The following MECOM variants were observed in gnomAD, a reference collection of about 807,000 sequenced individuals.
MECOM encodes MDS1 and EVI1 complex locus.
A neutral mutation model predicts 116.3 loss-of-function variants in MECOM; 13 were observed. That is an observed-to-expected ratio of 0.11 (90% CI 0.07 to 0.18). The LOEUF (loss-of-function observed/expected upper bound fraction) is 0.18, where lower values mean the gene tolerates loss of function less well. Ranked by LOEUF, MECOM falls within the 10% of genes least tolerant of loss-of-function variation. The probability of loss-of-function intolerance (pLI) is 1.00; values close to 1 mark genes in which losing one functional copy is unlikely to be tolerated. For synonymous variants in MECOM, 528 were observed against 535.2 expected (o/e 0.99, Z 0.19); for missense variants, 1,299 against 1,509.0 (o/e 0.86, Z 2.31).
At chr3:169,567,926 G>C (rs867771477) in intron 1 of MECOM, among the ~76,000 whole-genome samples, 6 of 152,088 alleles carry the variant, frequency 3.9e-5, no homozygotes, top group Middle Eastern at 3.4e-3. Flanking sequence ...AAAGGAGAGG[G>C]GCAAAATGGC....
intron 1 of MECOM, among the ~76,000 whole-genome samples, chr3:169,441,045 A>C (rs900476821): frequency 3.3e-5 from 5 of 152,232 alleles, no homozygotes; most frequent in Admixed American, 3.3e-4. Flanking sequence ...CAGAAACTGC[A>C]CTGACATGAG....
At chr3:169,156,473 A>G (rs541944508) in intron 2 of MECOM, among the ~76,000 whole-genome samples, 2 of 152,318 alleles carry the variant, frequency 1.3e-5, no homozygotes, top group East Asian at 3.9e-4. Flanking sequence ...TCCCCACAAA[A>G]CAGTCATAAA....
chr3:169,317,663 T>A (rs1378255230), intron 2 of MECOM, among the ~76,000 whole-genome samples: 1 of 152,226 alleles, frequency 6.6e-6, no homozygotes. Context: ...TCCACAACTG[T>A]CACCACTCCT....
chr3:169,379,571 A>C (rs1732063167), intron 2 of MECOM, among the ~76,000 whole-genome samples: 1 of 152,140 alleles, frequency 6.6e-6, no homozygotes. Flanking sequence ...ATTTCCTCCA[A>C]ATGCAGAATT....
In MECOM at chr3:169,485,969, TATAC is replaced by T. The variant is rs200466863; in HGVS notation, c.38-104449_38-104446del. Among the ~76,000 whole-genome samples, 380 of 98,150 alleles carry T rather than the reference TATAC, an allele frequency of 3.9e-3. 30 individuals carry two copies. The East Asian group carries it at 0.048, about 12-fold the overall frequency. The allele number at this position is 98,150 out of a possible 152,430, so 64.4% of individuals were successfully genotyped here. ...TGTATATATGTACATATATACTATA[TATAC>T]ATATATATATAGTATATATATGTAT... On this transcript the variant is annotated intron_variant, in intron 1 of 16. Coordinates refer to ENST00000651503, the MANE Select transcript of MECOM (RefSeq NM_004991.4).
Position 169,498,051 on chromosome 3 carries a change from T to C in MECOM, c.38-116527A>G, listed in dbSNP as rs546403623. Among the ~76,000 whole-genome samples, 6 of 152,352 alleles carry C rather than the reference T, an allele frequency of 3.9e-5. No homozygotes were observed. In the South Asian group the frequency reaches 1.2e-3, roughly 32 times the overall value. On this transcript the variant is annotated intron_variant, in intron 1 of 16. Coordinates refer to ENST00000651503, the MANE Select transcript of MECOM (RefSeq NM_004991.4). ...TCAGACTTCAACTGAATATGCGCTTTATTTCTGTTCTCTCTATTGATTCTT... is the reference window on the plus strand; with the variant it reads ...TCAGACTTCAACTGAATATGCGCTTCATTTCTGTTCTCTCTATTGATTCTT...
At chr3:169,589,240 T>C (rs1240431624) in intron 1 of MECOM, among the ~76,000 whole-genome samples, 1 of 152,048 alleles carries the variant, frequency 6.6e-6, no homozygotes, top group African/African-American at 2.4e-5. Context: ...TAAATGAAGA[T>C]GGAGAAGAAG....
chr3:169,660,191 C>T (rs1448339910), intron 1 of MECOM, among the ~76,000 whole-genome samples: 1 of 152,178 alleles, frequency 6.6e-6, no homozygotes, highest in Non-Finnish European at 1.5e-5. Context: ...CCCAAGAAAA[C>T]GGCTGGGAAG....
At chr3:169,618,927 A>G (rs1770350369) in intron 1 of MECOM, among the ~76,000 whole-genome samples, 2 of 152,180 alleles carry the variant, frequency 1.3e-5, no homozygotes, top group Non-Finnish European at 2.9e-5. Flanking sequence ...TTATACCTAA[A>G]AGCCACCGTC....
chr3:169,490,088 A>T (rs1461184175), intron 1 of MECOM, among the ~76,000 whole-genome samples: 3 of 152,206 alleles, frequency 2.0e-5, no homozygotes, highest in Admixed American at 6.5e-5. Context: ...TGGCCAATAA[A>T]CATGAAAATA....
chr3:169,489,205 C>T (rs1367496862), intron 1 of MECOM, among the ~76,000 whole-genome samples: 1 of 152,040 alleles, frequency 6.6e-6, no homozygotes, highest in African/African-American at 2.4e-5. Flanking sequence ...CTGAATGTAA[C>T]CATTTAAAAA....
At chr3:169,219,149 A>G (rs959607167) in intron 2 of MECOM, among the ~76,000 whole-genome samples, 1 of 152,192 alleles carries the variant, frequency 6.6e-6, no homozygotes, top group Non-Finnish European at 1.5e-5. Flanking sequence ...TCATAGACAG[A>G]GGTACTTAGC....
intron 2 of MECOM, among the ~76,000 whole-genome samples, chr3:169,256,353 AAAAC>A (rs1474559890): frequency 6.6e-6 from 1 of 152,136 alleles, no homozygotes; most frequent in African/African-American, 2.4e-5. Flanking sequence ...GAAAAAAAAA[AAAAC>A]AGTCTGCCTT....
intron 4 of MECOM, among the ~76,000 whole-genome samples, chr3:169,129,208 CAG>C (rs1163668121): frequency 6.6e-6 from 1 of 151,818 alleles, no homozygotes; most frequent in African/African-American, 2.4e-5. Flanking sequence ...TGGGAAGAGA[CAG>C]AGGCAAAAAA....
intron 1 of MECOM, among the ~76,000 whole-genome samples, chr3:169,414,019 C>A (rs1049833600): frequency 3.3e-5 from 5 of 152,230 alleles, no homozygotes; most frequent in African/African-American, 1.2e-4. Flanking sequence ...GATCTCCCAG[C>A]ACAGCACTCA....
chr3:169,385,396 A>T (rs1733156680), intron 1 of MECOM, among the ~76,000 whole-genome samples: 1 of 152,144 alleles, frequency 6.6e-6, no homozygotes, highest in African/African-American at 2.4e-5. Flanking sequence ...GAACTCACGG[A>T]CCTATTCATC....
intron 2 of MECOM, among the ~76,000 whole-genome samples, chr3:169,201,127 C>T (rs931266890): frequency 6.6e-6 from 1 of 152,084 alleles, no homozygotes; most frequent in Non-Finnish European, 1.5e-5. Context: ...AATTTTATTT[C>T]TTGCACCTTA....
At chr3:169,489,218 T>A (rs1752780565) in intron 1 of MECOM, among the ~76,000 whole-genome samples, 1 of 152,176 alleles carries the variant, frequency 6.6e-6, no homozygotes, top group Non-Finnish European at 1.5e-5. Flanking sequence ...TTTAAAAAGT[T>A]GAATATGTAG....
chr3:169,631,543 G>C (rs1772086857), intron 1 of MECOM, among the ~76,000 whole-genome samples: 1 of 151,446 alleles, frequency 6.6e-6, no homozygotes, highest in Admixed American at 6.6e-5. Context: ...CATGTGCCAT[G>C]CTGGTGTGCT....
Sources: gnomAD v4.1 joint callset for allele counts (sites outside exome capture counted in the v4.1 genomes callset) on GRCh38, gnomAD v4.1.1 for gene constraint, MANE v1.5 for transcripts, NCBI Gene and HGNC (gene_info 2026-07-23, HGNC 2026-07-21) for gene names.